Variants in CAST observed in about 807,000 individuals in gnomAD.
CAST encodes calpastatin, also known as MIR583 host.
CAST carries 76 observed loss-of-function variants against 119.6 expected under a neutral mutation model. The observed-to-expected ratio is 0.64, with a 90% CI of 0.53 to 0.77. The LOEUF is 0.77. Ranked by LOEUF, CAST falls within the 30% of genes least tolerant of loss-of-function variation. The pLI is 0.00. For missense variants in CAST, 953 were observed against 946.5 expected, an observed-to-expected ratio of 1.01 and a Z score of -0.09; for synonymous variants, 319 against 331.6, an observed-to-expected ratio of 0.96 and a Z score of 0.41.
At chr5:96,356,152 T>TTCATA in the CAST span, among the ~76,000 whole-genome samples, 2 of 152,252 alleles carry the variant, frequency 1.3e-5, no homozygotes, top group Non-Finnish European at 2.9e-5. Flanking sequence ...GAAGTGTCTG[T>TTCATA]TCATATCCTT....
the CAST span, among the ~76,000 whole-genome samples, chr5:96,383,754 T>G: frequency 6.6e-6 from 1 of 152,196 alleles, no homozygotes; most frequent in Non-Finnish European, 1.5e-5. Context: ...CTAAGTACTC[T>G]TCAGTGAGTT....
At chr5:95,974,959 G>T in the CAST span, among the ~76,000 whole-genome samples, 2 of 152,142 alleles carry the variant, frequency 1.3e-5, no homozygotes, top group Non-Finnish European at 2.9e-5. Flanking sequence ...AATAACAATT[G>T]TCCTTACTTT....
the CAST span, among the ~76,000 whole-genome samples, chr5:96,293,678 T>C: frequency 6.6e-6 from 1 of 152,184 alleles, no homozygotes; most frequent in Non-Finnish European, 1.5e-5. Context: ...ACTAAGATAG[T>C]ATTTAGAATA....
At chr5:96,185,991 G>A in the CAST span, among the ~76,000 whole-genome samples, 2 of 152,064 alleles carry the variant, frequency 1.3e-5, no homozygotes, top group African/African-American at 2.4e-5. Context: ...AGCATGAAAT[G>A]TTTCTTCATT....
chr5:96,586,108 T>C (rs1468264997), intron 1 of CAST, among the ~76,000 whole-genome samples: 2 of 152,194 alleles, frequency 1.3e-5, no homozygotes, highest in Admixed American at 6.5e-5. Context: ...CAGCTCCCTA[T>C]AAAGTAGATA....
At chr5:96,143,040 T>C in the CAST span, among the ~76,000 whole-genome samples, 3 of 152,202 alleles carry the variant, frequency 2.0e-5, no homozygotes, top group African/African-American at 7.2e-5. Flanking sequence ...CACGTTACAA[T>C]GTCTGAGTTT....
chr5:96,056,879 A>G, the CAST span, among the ~76,000 whole-genome samples: 122 of 152,260 alleles, frequency 8.0e-4, no homozygotes, highest in Admixed American at 1.3e-3. Context: ...TCTCTCTACC[A>G]TCCCCAAGGA....
At chr5:96,566,081 C>T (rs1419752527) in intron 1 of CAST, among the ~76,000 whole-genome samples, 3 of 152,178 alleles carry the variant, frequency 2.0e-5, no homozygotes, top group Non-Finnish European at 4.4e-5. Flanking sequence ...AACAGTTGCA[C>T]TATGACTAGG....
chr5:96,440,619 A>G, the CAST span, among the ~76,000 whole-genome samples: 1 of 152,100 alleles, frequency 6.6e-6, no homozygotes, highest in Non-Finnish European at 1.5e-5. Context: ...GGTCCGTTTA[A>G]GGCTACTCAA....
chr5:96,603,011 G>A (rs1006724637), intron 1 of CAST, among the ~76,000 whole-genome samples: 6 of 152,214 alleles, frequency 3.9e-5, no homozygotes, highest in Non-Finnish European at 8.8e-5. Flanking sequence ...ATAAGTGGCA[G>A]ATAGGATGGT....
chr5:96,511,991 A>G, the CAST span, among the ~76,000 whole-genome samples: 1 of 152,342 alleles, frequency 6.6e-6, no homozygotes, highest in African/African-American at 2.4e-5. Context: ...AGACTATCCC[A>G]TTTGAGTATG....
chr5:96,362,163 T>G, the CAST span, among the ~76,000 whole-genome samples: 1 of 152,144 alleles, frequency 6.6e-6, no homozygotes, highest in African/African-American at 2.4e-5. Flanking sequence ...GGACATGAAC[T>G]CATCCTTTTT....
chr5:96,175,214 G>C, the CAST span, among the ~76,000 whole-genome samples: 1 of 152,180 alleles, frequency 6.6e-6, no homozygotes, highest in African/African-American at 2.4e-5. Context: ...ATAATAGTTT[G>C]TCATTGGACA....
chr5:96,217,052 T>C, the CAST span, among the ~76,000 whole-genome samples: 1 of 152,026 alleles, frequency 6.6e-6, no homozygotes, highest in African/African-American at 2.4e-5. Context: ...ATTTTTAGTT[T>C]TTTAGAGACA....
At chr5:96,607,940 T>C (rs1747291657) in intron 1 of CAST, among the ~76,000 whole-genome samples, 1 of 152,212 alleles carries the variant, frequency 6.6e-6, no homozygotes, top group South Asian at 2.1e-4. Flanking sequence ...ACCTCAAACA[T>C]TTATCATTTC....
chr5:96,393,163 G>A, the CAST span: 1 of 1,614,166 alleles, frequency 6.2e-7, no homozygotes, highest in East Asian at 2.2e-5. Flanking sequence ...GGGCTTCGTA[G>A]AAGTTTTCAT....
the CAST span, among the ~76,000 whole-genome samples, chr5:96,166,001 T>A: frequency 1.3e-5 from 2 of 152,182 alleles, no homozygotes; most frequent in Non-Finnish European, 2.9e-5. Context: ...TATTAACATT[T>A]CATCACTTTC....
At chr5:96,157,193 T>C in the CAST span, among the ~76,000 whole-genome samples, 1 of 152,220 alleles carries the variant, frequency 6.6e-6, no homozygotes, top group Non-Finnish European at 1.5e-5. Flanking sequence ...TTGAGTTTTT[T>C]GGACCAGAAA....
At chr5:96,071,882 G>T in the CAST span, among the ~76,000 whole-genome samples, 1 of 152,122 alleles carries the variant, frequency 6.6e-6, no homozygotes, top group Non-Finnish European at 1.5e-5. Flanking sequence ...GAAATGATTG[G>T]TCATAAGTTG....
Sources: gnomAD v4.1 joint callset for allele counts (sites outside exome capture counted in the v4.1 genomes callset) on GRCh38, gnomAD v4.1.1 for gene constraint, MANE v1.5 for transcripts, NCBI Gene and HGNC (gene_info 2026-07-23, HGNC 2026-07-21) for gene names.